ZNF362: variants seen among roughly 807,000 people sequenced by gnomAD.
ZNF362 encodes the protein rotund homolog.
A neutral mutation model predicts 42.9 loss-of-function variants in ZNF362; 11 were observed. The observed-to-expected ratio is 0.26, with a 90% CI of 0.16 to 0.42. ZNF362 has a LOEUF of 0.42. ZNF362 is among the 20% of genes least tolerant of loss of function. The pLI is 1.00. For missense variants in ZNF362, 362 were observed against 576.2 expected, an observed-to-expected ratio of 0.63 and a Z score of 3.81; for synonymous variants, 255 against 257.3, an observed-to-expected ratio of 0.99 and a Z score of 0.09.
At chr1:33,127,577 A>G in the ZNF362 span, among the ~76,000 whole-genome samples, 1 of 152,190 alleles carries the variant, frequency 6.6e-6, no homozygotes, top group Non-Finnish European at 1.5e-5. Context: ...CTCAGCTGGA[A>G]AAAGGCCCAG....
At chr1:33,178,863 CA>C in the ZNF362 span, among the ~76,000 whole-genome samples, 1 of 152,208 alleles carries the variant, frequency 6.6e-6, no homozygotes, top group African/African-American at 2.4e-5. Flanking sequence ...CTGTGTCCCC[CA>C]GGTCATGGGA....
chr1:33,255,733 C>T (rs1373743752), upstream of ZNF362, among the ~76,000 whole-genome samples: 1 of 152,032 alleles, frequency 6.6e-6, no homozygotes, highest in Non-Finnish European at 1.5e-5. Context: ...GGTGGCTGGG[C>T]CTGTGCAAAC....
the ZNF362 span, among the ~76,000 whole-genome samples, chr1:33,207,518 A>G: frequency 6.6e-6 from 1 of 152,228 alleles, no homozygotes; most frequent in East Asian, 1.9e-4. Context: ...TCCTTGAAGA[A>G]TCACCACACT....
At chr1:33,232,453 G>A in the ZNF362 span, among the ~76,000 whole-genome samples, 6 of 152,036 alleles carry the variant, frequency 3.9e-5, no homozygotes, top group South Asian at 2.1e-4. Context: ...TAGCAGAGAC[G>A]GGGCTTCACC....
chr1:33,227,139 C>T, the ZNF362 span, among the ~76,000 whole-genome samples: 2 of 152,112 alleles, frequency 1.3e-5, no homozygotes, highest in South Asian at 2.1e-4. Flanking sequence ...TGTAAATATA[C>T]TAAAATTCAT....
the ZNF362 span, among the ~76,000 whole-genome samples, chr1:33,222,953 TA>T: frequency 3.9e-5 from 6 of 152,138 alleles, no homozygotes; most frequent in African/African-American, 1.4e-4. Flanking sequence ...CTGATGGTTT[TA>T]AAAACAGGAG....
At chr1:33,289,402 A>G (rs570588183) in intron 6 of ZNF362, among the ~76,000 whole-genome samples, 1 of 152,236 alleles carries the variant, frequency 6.6e-6, no homozygotes, top group Admixed American at 6.5e-5. Context: ...GGCTGTGACC[A>G]GGTCAGAGCC....
chr1:33,187,650 G>C, the ZNF362 span, among the ~76,000 whole-genome samples: 1 of 152,250 alleles, frequency 6.6e-6, no homozygotes, highest in African/African-American at 2.4e-5. Flanking sequence ...TTCTTAGCTT[G>C]CTGGTCTGCT....
the ZNF362 span, among the ~76,000 whole-genome samples, chr1:33,239,637 A>G: frequency 6.6e-6 from 1 of 152,242 alleles, no homozygotes; most frequent in South Asian, 2.1e-4. Flanking sequence ...AGCAGGGGAA[A>G]TGCTAGATTC....
In ZNF362 at chr1:33,281,936, G is replaced by A; in HGVS notation, c.908+125G>A. ...GGTGCCCATTGCCCTCGGGGTCACG[G>A]CCCTTGTGGACCTCACTGGCCTCAG... On this transcript the variant is annotated intron_variant, in intron 6 of 8. Transcript: ENST00000539719. The surrounding 1 kb of genome is among the most constrained non-coding windows in gnomAD (Gnocchi z 4.8). The A allele has an allele frequency of 2.1e-6, 2 of 947,562 alleles. No individual in the cohort carries two copies. Among genetic ancestry groups the A allele is most frequent in the Non-Finnish European group, 3.2e-6 (2 of 624,968 alleles). 58.7% of individuals were successfully genotyped at this position (947,562 alleles called of 1,614,324 possible).
At chr1:33,170,731 C>T in the ZNF362 span, among the ~76,000 whole-genome samples, 2 of 152,194 alleles carry the variant, frequency 1.3e-5, no homozygotes, top group Admixed American at 6.5e-5. Flanking sequence ...CCCGCTCCAA[C>T]GTGTCTCCTT....
chr1:33,183,246 G>A, the ZNF362 span, among the ~76,000 whole-genome samples: 1 of 152,130 alleles, frequency 6.6e-6, no homozygotes. Context: ...GCCATAGAGG[G>A]TGGCTACCAG....
chr1:33,162,285 C>T, the ZNF362 span, among the ~76,000 whole-genome samples: 1 of 152,222 alleles, frequency 6.6e-6, no homozygotes, highest in East Asian at 1.9e-4. Flanking sequence ...TGCATTGCAA[C>T]TCCACCTGCC....
At chr1:33,143,430 C>T in the ZNF362 span, among the ~76,000 whole-genome samples, 2 of 152,164 alleles carry the variant, frequency 1.3e-5, no homozygotes, top group Non-Finnish European at 2.9e-5. Flanking sequence ...GGTTTTAGAG[C>T]AGTCACAGGG....
the ZNF362 span, among the ~76,000 whole-genome samples, chr1:33,202,506 G>A: frequency 7.3e-5 from 11 of 151,556 alleles, no homozygotes; most frequent in Admixed American, 7.2e-4. Flanking sequence ...GCTGAGGCAG[G>A]AGAATGACGT....
chr1:33,239,064 T>C, the ZNF362 span, among the ~76,000 whole-genome samples: 1 of 152,218 alleles, frequency 6.6e-6, no homozygotes, highest in African/African-American at 2.4e-5. Context: ...GTGAATTAGT[T>C]CTGGGAGTAC....
the ZNF362 span, among the ~76,000 whole-genome samples, chr1:33,232,251 G>C: frequency 6.6e-6 from 1 of 152,120 alleles, no homozygotes; most frequent in Non-Finnish European, 1.5e-5. Context: ...TTCCTTTAAA[G>C]ATGCGTAAGT....
chr1:33,265,042 A>C (rs1645856227), intron 1 of ZNF362, among the ~76,000 whole-genome samples: 1 of 151,930 alleles, frequency 6.6e-6, no homozygotes, highest in Admixed American at 6.6e-5. Flanking sequence ...AAGTATCTTA[A>C]GGTGCCTGGC....
chr1:33,159,671 C>T, the ZNF362 span: 39 of 1,593,230 alleles, frequency 2.4e-5, no homozygotes, highest in African/African-American at 3.7e-4. This position sits in a 1 kb window ranked among gnomAD's most constrained non-coding sequence, Gnocchi z 4.2. Flanking sequence ...GGGAGGGCCC[C>T]GGCGGGTGGC....
Sources: allele counts gnomAD v4.1 joint callset (sites outside exome capture counted in the v4.1 genomes callset), GRCh38; gene constraint gnomAD v4.1.1; non-coding constraint Gnocchi (gnomAD v3.1); transcripts MANE v1.5; gene names NCBI Gene and HGNC (gene_info 2026-07-23, HGNC 2026-07-21).